The following PAPPA2 variants were observed in gnomAD, a reference collection of about 807,000 sequenced individuals.
The protein encoded by PAPPA2 is pappalysin 2.
Under a neutral mutation model 176.4 loss-of-function variants are expected in PAPPA2, and 86 were observed. The ratio of observed to expected loss-of-function variants is 0.49; its 90% CI spans 0.41 to 0.58. The LOEUF (loss-of-function observed/expected upper bound fraction) is 0.58, where lower values mean the gene tolerates loss of function less well. Among genes scored for constraint, PAPPA2 ranks in the 20% least tolerant of loss-of-function variants. The probability of loss-of-function intolerance (pLI) is 0.00; values close to 1 mark genes in which losing one functional copy is unlikely to be tolerated. For missense variants in PAPPA2, 2,073 were observed against 2,256.9 expected (o/e 0.92, Z 1.65); for synonymous variants, 809 against 852.2 (o/e 0.95, Z 0.88).
intron 12 of PAPPA2, among the ~76,000 whole-genome samples, chr1:176,738,849 T>C (rs1240609043): frequency 6.6e-6 from 1 of 152,120 alleles, no homozygotes; most frequent in Non-Finnish European, 1.5e-5. Flanking sequence ...CTTTTCTTTT[T>C]TTTTCTATCA....
In PAPPA2 at chr1:176,794,331, T is replaced by C. The variant is rs573774330; in HGVS notation, c.5130+662T>C. On this transcript the variant is annotated intron_variant, in intron 20 of 22. Coordinates refer to ENST00000367662, the MANE Select transcript of PAPPA2 (RefSeq NM_020318.3). ...CACCTGCAAGGGTGAGGGTAATATC[T>C]AGCTTGCATGGTTGTTATTAAATTT... Among the ~76,000 whole-genome samples, 3 of 152,314 alleles carry C rather than the reference T, an allele frequency of 2.0e-5. No homozygotes were observed. The South Asian group carries it at 6.2e-4, about 32-fold the overall frequency.
At chr1:176,483,858 G>A (rs1652522607) in intron 1 of PAPPA2, among the ~76,000 whole-genome samples, 1 of 152,130 alleles carries the variant, frequency 6.6e-6, no homozygotes, top group Non-Finnish European at 1.5e-5. Context: ...GGGAGAAGCT[G>A]CAACTCGTCC....
chr1:176,570,083 G>T (rs1028908016), intron 2 of PAPPA2, among the ~76,000 whole-genome samples: 2 of 152,182 alleles, frequency 1.3e-5, no homozygotes, highest in Non-Finnish European at 2.9e-5. Flanking sequence ...CTTCTAGGTT[G>T]TCTTTTTCTC....
intron 21 of PAPPA2, among the ~76,000 whole-genome samples, chr1:176,813,015 C>G (rs1308216177): frequency 1.3e-5 from 2 of 152,048 alleles, no homozygotes; most frequent in Non-Finnish European, 2.9e-5. Context: ...TCATTCAGCT[C>G]CCACTTATAA....
In PAPPA2 at chr1:176,842,425, C is replaced by T. The variant is rs1667522336; in HGVS notation, c.5347C>T (p.Arg1783Trp). Residue 1783 changes from arginine (R) to tryptophan (W), a missense_variant, in exon 23 of 23, where the codon CGG becomes TGG. This residue lies in a region of PAPPA2 where 27 missense variants were observed against 52.1 expected (regional missense o/e 0.52). Coordinates refer to ENST00000367662, the MANE Select transcript of PAPPA2 (RefSeq NM_020318.3). The part of the protein sequence containing the change: ...ADCDLDECTC[R>W]DPKAEENQ ...CTGTGACCTGGATGAGTGCACCTGC[C>T]GGGACCCCAAGGCAGAAGAAAATCA... is the stretch of plus-strand genomic sequence containing the variant. 6.2e-6 allele frequency: 10 copies of T among 1,613,154 alleles called. No individual in the cohort carries two copies. The highest frequency in any genetic ancestry group is 2.2e-5 in the East Asian group (1 of 44,846).
At chr1:176,688,618 C>A (rs764813760) in intron 4 of PAPPA2, among the ~76,000 whole-genome samples, 2 of 152,008 alleles carry the variant, frequency 1.3e-5, no homozygotes, top group Admixed American at 1.3e-4. Flanking sequence ...ATAATAAACA[C>A]GGGAGGTGAG....
In PAPPA2 at chr1:176,682,282, A is replaced by G. The variant is rs560986220; in HGVS notation, c.2138-7855A>G. On this transcript the variant is annotated intron_variant, in intron 4 of 22. Transcript: ENST00000367662. The stretch of plus-strand genomic sequence containing the variant: ...ACAGAAGGTGAAGAGGGGGATGTGG[A>G]TCTTTCAAGAAGTTTGGCTGTGAAG... Among the ~76,000 whole-genome samples the G allele has an allele frequency of 2.6e-4, 39 of 152,272 alleles. 1 individual carries two copies. The East Asian group carries it at 7.5e-3, about 29-fold the overall frequency.
At chr1:176,585,120 C>A (rs901477233) in intron 2 of PAPPA2, among the ~76,000 whole-genome samples, 24 of 152,170 alleles carry the variant, frequency 1.6e-4, no homozygotes, top group African/African-American at 5.8e-4. Context: ...CAGTTACTAT[C>A]TTTTTGCTTC....
At chr1:176,477,817 A>G (rs1305451419) in intron 1 of PAPPA2, among the ~76,000 whole-genome samples, 2 of 152,188 alleles carry the variant, frequency 1.3e-5, no homozygotes, top group African/African-American at 4.8e-5. Flanking sequence ...GCCTAGACAT[A>G]CAAAATTACT....
intron 2 of PAPPA2, among the ~76,000 whole-genome samples, chr1:176,568,635 A>G (rs1353393097): frequency 1.3e-5 from 2 of 152,146 alleles, no homozygotes; most frequent in Non-Finnish European, 2.9e-5. Context: ...TGTTTTCTGT[A>G]TCTCAGCAAA....
At chr1:176,630,162 C>T (rs1280317280) in intron 3 of PAPPA2, among the ~76,000 whole-genome samples, 1 of 152,158 alleles carries the variant, frequency 6.6e-6, no homozygotes, top group African/African-American at 2.4e-5. Context: ...CAAAAGCTTA[C>T]AGCATGATGT....
intron 3 of PAPPA2, among the ~76,000 whole-genome samples, chr1:176,598,263 C>T (rs999687611): frequency 3.4e-4 from 51 of 150,880 alleles, no homozygotes; most frequent in African/African-American, 1.1e-3. Context: ...TTATTTTTTT[C>T]ACCTGTTTTT....
At chr1:176,466,691 C>A (rs930446379) in intron 1 of PAPPA2, among the ~76,000 whole-genome samples, 7 of 152,096 alleles carry the variant, frequency 4.6e-5, no homozygotes, top group Admixed American at 3.9e-4. Context: ...GTGCAGAGAA[C>A]AACAATGTGG....
At chr1:176,471,699 A>G (rs568642147) in intron 1 of PAPPA2, among the ~76,000 whole-genome samples, 1 of 152,314 alleles carries the variant, frequency 6.6e-6, no homozygotes, top group Non-Finnish European at 1.5e-5. Flanking sequence ...CTTAAACACT[A>G]TAGTTTAGTT....
intron 3 of PAPPA2, among the ~76,000 whole-genome samples, chr1:176,612,290 T>C (rs963509806): frequency 3.3e-5 from 5 of 151,890 alleles, no homozygotes; most frequent in African/African-American, 1.2e-4. Flanking sequence ...GCTACTTGGG[T>C]GGCTGAGGCA....
chr1:176,604,499 C>T (rs555305415), intron 3 of PAPPA2, among the ~76,000 whole-genome samples: 7 of 152,278 alleles, frequency 4.6e-5, no homozygotes, highest in East Asian at 3.9e-4. Flanking sequence ...TGGTCTATCA[C>T]GTGTTTTTGT....
At chr1:176,588,072 C>A (rs1436591361) in intron 2 of PAPPA2, among the ~76,000 whole-genome samples, 1 of 152,134 alleles carries the variant, frequency 6.6e-6, no homozygotes, top group Non-Finnish European at 1.5e-5. Flanking sequence ...TTGTTTGTGT[C>A]CTCTCTTATA....
rs531597504 is a variant in PAPPA2, at chr1:176,711,819, T to G, written c.3652-16T>G. The G allele has an allele frequency of 6.3e-7, 1 of 1,589,526 alleles. No homozygotes were observed. Among genetic ancestry groups the G allele is most frequent in the African/African-American group, 1.3e-5 (1 of 74,652 alleles). On this transcript the variant is annotated splice_polypyrimidine_tract_variant and intron_variant, in intron 11 of 22. Transcript: ENST00000367662. ...ACACTCCACACTTCAAATTGTTGGTTGAAATTGTATTTCAGATTTGCACAT... is the reference window on the plus strand; with the variant it reads ...ACACTCCACACTTCAAATTGTTGGTGGAAATTGTATTTCAGATTTGCACAT...
At chr1:176,714,963 T>G (rs541897714) in intron 12 of PAPPA2, among the ~76,000 whole-genome samples, 1 of 152,286 alleles carries the variant, frequency 6.6e-6, no homozygotes, top group South Asian at 2.1e-4. Context: ...ATTTCCAGAA[T>G]AGCAAATTCC....
Sources: gnomAD v4.1 joint callset for allele counts (sites outside exome capture counted in the v4.1 genomes callset) on GRCh38, gnomAD v4.1.1 for gene constraint, gnomAD v4.1.1 regional missense constraint, MANE v1.5 for transcripts, NCBI Gene and HGNC (gene_info 2026-07-23, HGNC 2026-07-21) for gene names.